Variants in KANK1 observed in about 807,000 individuals in gnomAD.
KANK1 encodes the protein KN motif and ankyrin repeat domain-containing protein 1.
A neutral mutation model predicts 106.2 loss-of-function variants in KANK1; 109 were observed. The observed-to-expected ratio is 1.03, with a 90% CI of 0.88 to 1.20. The LOEUF (loss-of-function observed/expected upper bound fraction) is 1.20, where lower values mean the gene tolerates loss of function less well. KANK1 is among the 50% of genes most tolerant of loss of function. The probability of loss-of-function intolerance (pLI) is 0.00; values close to 1 mark genes in which losing one functional copy is unlikely to be tolerated. For synonymous variants in KANK1, 873 were observed against 652.2 expected (o/e 1.34, Z -5.16); for missense variants, 2,399 against 1,710.7 (o/e 1.40, Z -7.10).
Position 711,496 on chromosome 9 carries a change from C to T in KANK1, c.730C>T (p.Leu244=). The T allele has an allele frequency of 6.2e-7, 1 of 1,614,150 alleles. No homozygotes were observed. Among genetic ancestry groups the T allele is most frequent in the South Asian group, 1.1e-5 (1 of 91,064 alleles). The stretch of plus-strand genomic sequence containing the variant: ...GGGGAGCTCCATCCGCCACAGCCCC[C>T]TGAGCTCAGGGATCTCCACCCCAGT... ...SMGSSIRHSP[L]SSGISTPVTN... Residue 244 remains leucine (L), a synonymous_variant, in exon 3 of 12, where the codon CTG becomes TTG. Coordinates refer to ENST00000382297, the MANE Select transcript of KANK1 (RefSeq NM_015158.5).
chr9:544,268 C>T (rs1048147927), intron 1 of KANK1, among the ~76,000 whole-genome samples: 1 of 152,056 alleles, frequency 6.6e-6, no homozygotes, highest in Admixed American at 6.6e-5. Context: ...CAAGCCACCC[C>T]CCACTTGGCC....
chr9:470,970 G>GCCCT lies in KANK1; in HGVS notation c.-442+289_-442+292dup, dbSNP rs1000089898. 1.1e-4 allele frequency: 16 copies of GCCCT among 152,330 alleles called. No individual in the cohort carries two copies. The South Asian group carries it at 2.1e-3, about 20-fold the overall frequency. The allele number at this position is 152,330 out of a possible 1,614,324, so 9.4% of individuals were successfully genotyped here. On this transcript the variant is annotated intron_variant, in intron 2 of 15. Coordinates refer to the KANK1 transcript ENST00000382303. ...TAGCCACCTGGGTAGTCAAGACAGG[G>GCCCT]CCCTGCACAGTTAATGTGAATCTTG...
intron 1 of KANK1, among the ~76,000 whole-genome samples, chr9:547,038 C>T (rs1323093652): frequency 1.3e-5 from 2 of 152,130 alleles, no homozygotes; most frequent in African/African-American, 2.4e-5. Context: ...AAATTGTGTT[C>T]CCAGATCGGT....
At chr9:610,368 T>C (rs72689677) in intron 1 of KANK1, among the ~76,000 whole-genome samples, 4,147 of 150,358 alleles carry the variant, frequency 0.028, 181 homozygotes, top group African/African-American at 0.099. Context: ...GCAAATGTTA[T>C]ATATAATGAG....
intron 1 of KANK1, among the ~76,000 whole-genome samples, chr9:650,381 C>A (rs1048211613): frequency 3.3e-5 from 5 of 152,144 alleles, no homozygotes; most frequent in African/African-American, 1.2e-4. Flanking sequence ...TACTCTCCAG[C>A]AAGGGAAAGT....
intron 1 of KANK1, among the ~76,000 whole-genome samples, chr9:633,374 C>T (rs1468142532): frequency 3.3e-5 from 5 of 152,084 alleles, no homozygotes; most frequent in Admixed American, 2.6e-4. Flanking sequence ...AGGAGAATGG[C>T]GTGAACCCGG....
At chr9:487,402 G>T (rs1448807724) in intron 3 of KANK1, among the ~76,000 whole-genome samples, 1 of 152,176 alleles carries the variant, frequency 6.6e-6, no homozygotes, top group African/African-American at 2.4e-5. Context: ...TGTTCTGAGC[G>T]ATTTAAGGTA....
intron 1 of KANK1, among the ~76,000 whole-genome samples, chr9:581,663 G>T (rs1822189503): frequency 6.6e-6 from 1 of 152,162 alleles, no homozygotes; most frequent in Non-Finnish European, 1.5e-5. Flanking sequence ...TCAGGTAGCA[G>T]AAAGATTCAC....
intron 1 of KANK1, among the ~76,000 whole-genome samples, chr9:643,932 A>G (rs376698259): frequency 6.6e-6 from 1 of 150,800 alleles, no homozygotes. Context: ...CGAACTCCTG[A>G]CTTCAGTTGA....
intron 1 of KANK1, among the ~76,000 whole-genome samples, chr9:515,262 G>A (rs1312519012): frequency 4.6e-5 from 7 of 150,716 alleles, no homozygotes; most frequent in South Asian, 2.1e-4. Flanking sequence ...GGAGAATGGC[G>A]TGAACCCAGG....
chr9:601,974 C>G (rs749070721), intron 1 of KANK1, among the ~76,000 whole-genome samples: 2 of 151,842 alleles, frequency 1.3e-5, no homozygotes, highest in African/African-American at 4.9e-5. Context: ...TGAGCTCTTT[C>G]CTGTGAACAT....
At chr9:484,385 A>G (rs1280985021) in intron 3 of KANK1, 1 of 152,246 alleles carries the variant, frequency 6.6e-6, no homozygotes, top group Non-Finnish European at 1.5e-5. Flanking sequence ...TAAAAGAACA[A>G]GAGATGTAGA....
At chr9:618,530 A>C (rs1832408165) in intron 1 of KANK1, among the ~76,000 whole-genome samples, 1 of 152,146 alleles carries the variant, frequency 6.6e-6, no homozygotes, top group Non-Finnish European at 1.5e-5. Context: ...TTTAAAATGA[A>C]GAAACAGATA....
At chr9:509,134 C>T (rs561261048) in intron 1 of KANK1, among the ~76,000 whole-genome samples, 3 of 152,224 alleles carry the variant, frequency 2.0e-5, no homozygotes, top group East Asian at 1.9e-4. Flanking sequence ...GAGTCTTGCT[C>T]TGTCACCAGG....
chr9:606,602 G>A (rs11790989), intron 1 of KANK1, among the ~76,000 whole-genome samples: 40,452 of 129,750 alleles, frequency 0.31, 7,063 homozygotes, highest in Admixed American at 0.39. Flanking sequence ...TAAAATATGT[G>A]TGTGTGTGTG....
intron 1 of KANK1, among the ~76,000 whole-genome samples, chr9:515,000 C>T (rs1196983780): frequency 6.6e-6 from 1 of 151,610 alleles, no homozygotes; most frequent in Non-Finnish European, 1.5e-5. Context: ...AGATGAACAC[C>T]TCAAAAAGGG....
chr9:543,820 A>G lies in KANK1; in HGVS notation c.-84+39066A>G, dbSNP rs140044047. ...CTTGACATTTCTCTAGTTAATTTCTATGCCTGTTGTTTTGCCCCTTACCGT... is the reference window on the plus strand; with the variant it reads ...CTTGACATTTCTCTAGTTAATTTCTGTGCCTGTTGTTTTGCCCCTTACCGT... On this transcript the variant is annotated intron_variant, in intron 1 of 11. Transcript: ENST00000382297. Among the ~76,000 whole-genome samples the G allele has an allele frequency of 3.4e-3, 519 of 152,270 alleles. 1 individual carries two copies. The highest frequency in any genetic ancestry group is 0.012 in the African/African-American group (480 of 41,564).
At chr9:608,879 C>T (rs181106756) in intron 1 of KANK1, among the ~76,000 whole-genome samples, 232 of 152,218 alleles carry the variant, frequency 1.5e-3, no homozygotes, top group Non-Finnish European at 2.9e-3. Flanking sequence ...TGGTGACATG[C>T]ATAATAGATG....
chr9:649,394 T>C (rs1445428832), intron 1 of KANK1, among the ~76,000 whole-genome samples: 1 of 152,128 alleles, frequency 6.6e-6, no homozygotes, highest in Admixed American at 6.5e-5. Context: ...GCTCAAAGCA[T>C]AGAAGAAAAT....
Sources: gnomAD v4.1 joint callset for allele counts (sites outside exome capture counted in the v4.1 genomes callset) on GRCh38, gnomAD v4.1.1 for gene constraint, MANE v1.5 for transcripts, NCBI Gene and HGNC (gene_info 2026-07-23, HGNC 2026-07-21) for gene names.